Variants in FHIT observed in about 807,000 individuals in gnomAD.
FHIT encodes the protein bis(5'-adenosyl)-triphosphatase.
In FHIT, 19 loss-of-function variants were observed where a neutral mutation model predicts 17.9. That is an observed-to-expected ratio of 1.06 (90% CI 0.74 to 1.56). FHIT has a LOEUF of 1.56. FHIT is among the 40% of genes most tolerant of loss of function. FHIT has a pLI of 0.00. For synonymous variants in FHIT, 81 were observed against 69.7 expected, an observed-to-expected ratio of 1.16 and a Z score of -0.81; for missense variants, 248 against 189.2, an observed-to-expected ratio of 1.31 and a Z score of -1.82.
intron 5 of FHIT, among the ~76,000 whole-genome samples, chr3:60,431,073 A>G (rs1015184352): frequency 2.6e-5 from 4 of 151,910 alleles, no homozygotes; most frequent in Admixed American, 2.0e-4. Context: ...TTAGCCAGCC[A>G]TTGTGGTGCG....
At chr3:59,885,698 C>G (rs1703594487) in intron 8 of FHIT, among the ~76,000 whole-genome samples, 1 of 152,166 alleles carries the variant, frequency 6.6e-6, no homozygotes, top group African/African-American at 2.4e-5. Flanking sequence ...GTGTCACCAA[C>G]AGGTGGGTTT....
At chr3:61,201,374 C>G (rs572612438) in intron 1 of FHIT, among the ~76,000 whole-genome samples, 1 of 152,180 alleles carries the variant, frequency 6.6e-6, no homozygotes, top group Admixed American at 6.5e-5. Flanking sequence ...CTTACAGTAT[C>G]GTGAAGCTGG....
At chr3:60,637,855 C>A (rs2039627300) in intron 4 of FHIT, among the ~76,000 whole-genome samples, 1 of 151,996 alleles carries the variant, frequency 6.6e-6, no homozygotes, top group Non-Finnish European at 1.5e-5. Context: ...CGGAAAGGGA[C>A]CAGGGATTCT....
rs557802677 is a variant in FHIT at position 60,974,115 on chromosome 3, T to C, written c.-111+67932A>G. 2.0e-5 allele frequency among the ~76,000 whole-genome samples: 3 copies of C among 152,336 alleles called. No individual in the cohort carries two copies. The South Asian group carries it at 6.2e-4, about 32-fold the overall frequency. On this transcript the variant is annotated intron_variant, in intron 3 of 9. Coordinates refer to ENST00000492590, the MANE Select transcript of FHIT (RefSeq NM_002012.4). ...GTTAAATTGATAACTCAGGTGGACA[T>C]TAGTTAATATTACCACTTTTTAAAA...
chr3:60,111,225 T>C (rs753011831), intron 5 of FHIT, among the ~76,000 whole-genome samples: 3 of 152,224 alleles, frequency 2.0e-5, no homozygotes, highest in Non-Finnish European at 4.4e-5. Flanking sequence ...AGATCAGTGT[T>C]AGAGAAATTC....
chr3:59,971,159 T>C (rs2107384994), intron 7 of FHIT, among the ~76,000 whole-genome samples: 1 of 152,228 alleles, frequency 6.6e-6, no homozygotes, highest in African/African-American at 2.4e-5. Context: ...GTGGCCCAGT[T>C]AAATGAAGTT....
Position 60,839,698 on chromosome 3 carries a change from C to G in FHIT, c.-110-17687G>C, listed in dbSNP as rs111374205. 3.4e-3 allele frequency among the ~76,000 whole-genome samples: 522 copies of G among 152,266 alleles called. 7 individuals carry two copies. Among genetic ancestry groups the G allele is most frequent in the African/African-American group, 0.01 (429 of 41,546 alleles). On this transcript the variant is annotated intron_variant, in intron 3 of 9. Coordinates refer to ENST00000492590, the MANE Select transcript of FHIT (RefSeq NM_002012.4). ...ACTGCAGCTCATTTGTTGTCCCTCT[C>G]CCTCTCCCGTTTATTATGCTGACCC...
intron 5 of FHIT, among the ~76,000 whole-genome samples, chr3:60,375,843 C>T (rs1261709755): frequency 6.6e-6 from 1 of 152,044 alleles, no homozygotes. Context: ...TCAAACAGAG[C>T]TCTCTACAAC....
intron 5 of FHIT, among the ~76,000 whole-genome samples, chr3:60,489,176 G>A (rs1396449353): frequency 6.6e-6 from 1 of 152,094 alleles, no homozygotes; most frequent in Non-Finnish European, 1.5e-5. Flanking sequence ...AATAGAAACA[G>A]AGTTCTAACA....
chr3:60,695,287 T>G (rs921931990), intron 4 of FHIT, among the ~76,000 whole-genome samples: 1 of 151,976 alleles, frequency 6.6e-6, no homozygotes, highest in Non-Finnish European at 1.5e-5. Flanking sequence ...TCTCAGCTAC[T>G]TGGGAGGCTG....
intron 5 of FHIT, among the ~76,000 whole-genome samples, chr3:60,413,871 C>T (rs929609870): frequency 1.3e-5 from 2 of 152,140 alleles, no homozygotes; most frequent in Middle Eastern, 3.2e-3. Flanking sequence ...TAATAACTAC[C>T]ACATGCTACG....
At chr3:60,031,754 C>G (rs974314668) in intron 5 of FHIT, among the ~76,000 whole-genome samples, 1 of 152,060 alleles carries the variant, frequency 6.6e-6, no homozygotes, top group African/African-American at 2.4e-5. Flanking sequence ...AGTTCTTAAC[C>G]TGGGGGTCCC....
chr3:60,874,594 A>G (rs1553755875), intron 3 of FHIT, among the ~76,000 whole-genome samples: 1 of 152,198 alleles, frequency 6.6e-6, no homozygotes, highest in Non-Finnish European at 1.5e-5. Context: ...ACAAGTAACC[A>G]GGACAGGGAC....
intron 1 of FHIT, among the ~76,000 whole-genome samples, chr3:61,216,453 T>C (rs1004919375): frequency 7.2e-5 from 11 of 152,276 alleles, no homozygotes; most frequent in South Asian, 2.1e-4. Context: ...GATACCATGT[T>C]ACACCAGTTA....
intron 6 of FHIT, 89 bp from the exon 7 acceptor site, chr3:60,011,489 G>T: frequency 1.8e-6 from 2 of 1,107,424 alleles, no homozygotes; most frequent in Non-Finnish European, 1.4e-6. Flanking sequence ...TAATTTAGAT[G>T]CAATTTCATT....
intron 7 of FHIT, among the ~76,000 whole-genome samples, chr3:59,943,917 C>G (rs1362514414): frequency 6.6e-6 from 1 of 152,186 alleles, no homozygotes; most frequent in African/African-American, 2.4e-5. Flanking sequence ...TTCCAGTTTC[C>G]TCATCCGTAA....
At chr3:60,966,976 T>G (rs1246976511) in intron 3 of FHIT, among the ~76,000 whole-genome samples, 1 of 152,350 alleles carries the variant, frequency 6.6e-6, no homozygotes, top group Non-Finnish European at 1.5e-5. Context: ...TCAAAAACTG[T>G]CATGGTTCTT....
chr3:60,876,673 G>C (rs1303743912), intron 3 of FHIT, among the ~76,000 whole-genome samples: 2 of 152,180 alleles, frequency 1.3e-5, no homozygotes, highest in African/African-American at 4.8e-5. Flanking sequence ...AATTGCACAA[G>C]ATAACCTGAG....
intron 8 of FHIT, among the ~76,000 whole-genome samples, chr3:59,798,235 C>G (rs777783013): frequency 6.6e-6 from 1 of 152,198 alleles, no homozygotes. Context: ...GTTGCACCTA[C>G]GCCGCCCAGC....
Sources: allele counts gnomAD v4.1 joint callset (sites outside exome capture counted in the v4.1 genomes callset), GRCh38; gene constraint gnomAD v4.1.1; transcripts MANE v1.5; gene names NCBI Gene and HGNC (gene_info 2026-07-23, HGNC 2026-07-21).